Variants in AXL observed in about 807,000 individuals in gnomAD.
The protein encoded by AXL is AXL receptor tyrosine kinase, also known as tyrosine-protein kinase receptor UFO.
A neutral mutation model predicts 104.5 loss-of-function variants in AXL; 52 were observed. That is an observed-to-expected ratio of 0.50 (90% CI 0.40 to 0.63). The LOEUF (loss-of-function observed/expected upper bound fraction) is 0.63, where lower values mean the gene tolerates loss of function less well. Ranked by LOEUF, AXL falls within the 20% of genes least tolerant of loss-of-function variation. The probability of loss-of-function intolerance (pLI) is 0.00; values close to 1 mark genes in which losing one functional copy is unlikely to be tolerated. For synonymous variants in AXL, 455 were observed against 473.7 expected, an observed-to-expected ratio of 0.96 and a Z score of 0.51; for missense variants, 1,024 against 1,188.5, an observed-to-expected ratio of 0.86 and a Z score of 2.04.
chr19:41,253,585 C>G lies in AXL; in HGVS notation c.1927-14C>G, dbSNP rs1160806520. On this transcript the variant is annotated splice_polypyrimidine_tract_variant and intron_variant, in intron 16 of 19. Coordinates refer to ENST00000301178, the MANE Select transcript of AXL (RefSeq NM_021913.5). ...CTCTGTTGACCTCTCCTCCCACCTG[C>G]CTTGGCTCCCCAGTACCTGCCCACT... 6.2e-7 allele frequency: 1 copy of G among 1,600,820 alleles called. No individual in the cohort carries two copies. The highest frequency in any genetic ancestry group is 2.2e-5 in the East Asian group (1 of 44,786).
At chr19:41,231,099 C>A in intron 5 of AXL, 52 bp downstream of exon 5, 1 of 1,611,772 alleles carries the variant, frequency 6.2e-7, no homozygotes, top group Non-Finnish European at 8.5e-7. Flanking sequence ...GGGTTTGGGT[C>A]CGGGGTCAGA....
intron 4 of AXL, among the ~76,000 whole-genome samples, chr19:41,223,755 G>A (rs1006935954): frequency 6.6e-6 from 1 of 152,066 alleles, no homozygotes; most frequent in African/African-American, 2.4e-5. Flanking sequence ...TGGGGATCGG[G>A]CATGAGTCAG....
rs776682499 is a variant in AXL, at chr19:41,231,030, G to A, written c.650G>A (p.Arg217His). Reference sequence around the variant, plus strand: ...AACGCCAAGGGGGTCACCACATCCCGCACAGCCACCATCACAGGTGACAGA... The same window carrying A: ...AACGCCAAGGGGGTCACCACATCCCACACAGCCACCATCACAGGTGACAGA... ...AHNAKGVTTSRTATITVLPQQ... is the reference protein window; with the variant it reads ...AHNAKGVTTSHTATITVLPQQ... Residue 217 changes from arginine to histidine, a missense_variant, in exon 5 of 20, where the codon CGC becomes CAC. By Grantham distance (29) the Arg-to-His change is conservative. This residue lies in a region of AXL where 332 missense variants were observed against 343.9 expected (regional missense o/e 0.97). Transcript: ENST00000301178. 101 of 1,613,734 alleles carry A rather than the reference G, an allele frequency of 6.3e-5. No individual in the cohort carries two copies. Among genetic ancestry groups the A allele is most frequent in the Non-Finnish European group, 8.1e-5 (95 of 1,179,890 alleles).
Position 41,231,255 on chromosome 19 carries a change from C to T in AXL, c.740C>T (p.Pro247Leu). Residue 247 changes from proline to leucine, a missense_variant, in exon 6 of 20, where the codon CCA (proline) becomes CTA (leucine). Coordinates refer to ENST00000301178, the MANE Select transcript of AXL (RefSeq NM_021913.5). ...QPTELEVAWTPGLSGIYPLTH... is the reference protein window; with the variant it reads ...QPTELEVAWTLGLSGIYPLTH... ...ACGGAGCTGGAGGTGGCTTGGACTC[C>T]AGGCCTGAGCGGCATCTACCCCCTG... The T allele has an allele frequency of 6.2e-7, 1 of 1,613,822 alleles. No individual in the cohort carries two copies. The highest frequency in any genetic ancestry group is 8.5e-7 in the Non-Finnish European group (1 of 1,179,806).
intron 13 of AXL, 50 bp downstream of exon 13, chr19:41,248,659 G>A (rs374195857): frequency 8.0e-5 from 129 of 1,611,726 alleles, no homozygotes; most frequent in Non-Finnish European, 1.0e-4. Flanking sequence ...CTGAGATCCT[G>A]CACTTCCACA....
In AXL at chr19:41,252,949, G is replaced by C. The variant is rs887413670; in HGVS notation, c.1908G>C (p.Arg636=). The change falls in exon 16 of 20, where the codon CGG becomes CGC. Residue 636 remains arginine (R), a synonymous_variant. Transcript: ENST00000301178. ...TACACAGCTTCCTCCTCTATTCCCG[G>C]CTCGGGGACCAGCCAGTGGTAAGGG... ...GDLHSFLLYS[R]LGDQPVYLPT... The C allele has an allele frequency of 6.2e-6, 10 of 1,613,962 alleles. No individual in the cohort carries two copies. The highest frequency in any genetic ancestry group is 6.8e-6 in the Non-Finnish European group (8 of 1,180,014).
At chr19:41,226,186 C>A in intron 4 of AXL, among the ~76,000 whole-genome samples, 1 of 152,140 alleles carries the variant, frequency 6.6e-6, no homozygotes, top group Non-Finnish European at 1.5e-5. Context: ...GGGGAGGTGC[C>A]CCCGGTGACT....
chr19:41,220,536 C>A, intron 1 of AXL, 100 bp from the exon 2 acceptor site: 1 of 1,020,904 alleles, frequency 9.8e-7, no homozygotes, highest in Non-Finnish European at 1.4e-6. Context: ...AAGGGCCTGG[C>A]GGGGTCCTGG....
intron 14 of AXL, among the ~76,000 whole-genome samples, chr19:41,250,875 T>C (rs1240190561): frequency 6.6e-6 from 1 of 152,096 alleles, no homozygotes; most frequent in Non-Finnish European, 1.5e-5. Context: ...CTGGTTATAG[T>C]CTTGGCCTGG....
chr19:41,229,971 G>A (rs1367191876), intron 4 of AXL, among the ~76,000 whole-genome samples: 2 of 152,140 alleles, frequency 1.3e-5, no homozygotes, highest in East Asian at 3.8e-4. Flanking sequence ...GTCTCCTTGT[G>A]TGTGTGTGTC....
intron 5 of AXL, 43 bp from the exon 6 acceptor site, chr19:41,231,140 G>C: frequency 6.2e-7 from 1 of 1,609,318 alleles, no homozygotes; most frequent in African/African-American, 1.3e-5. Context: ...AGGGAGCTTT[G>C]AGCAAAGGCT....
intron 17 of AXL, among the ~76,000 whole-genome samples, chr19:41,254,759 A>C (rs1360394383): frequency 6.6e-6 from 1 of 152,066 alleles, no homozygotes; most frequent in African/African-American, 2.4e-5. Flanking sequence ...CTTTACAAAA[A>C]ATAAATTAGC....
intron 12 of AXL, 88 bp downstream of exon 12, chr19:41,243,795 C>A: frequency 1.7e-6 from 2 of 1,161,264 alleles, no homozygotes; most frequent in Non-Finnish European, 2.6e-6. Context: ...ATGTGTGAGC[C>A]AAAAGTTTCT....
chr19:41,259,928 C>G lies in AXL; in HGVS notation c.*24C>G. The G allele has an allele frequency of 6.6e-7, 1 of 1,522,536 alleles. No homozygotes were observed. Among genetic ancestry groups the G allele is most frequent in the South Asian group, 1.3e-5 (1 of 77,612 alleles). The allele number at this position is 1,522,536 out of a possible 1,614,324, so 94.3% of individuals were successfully genotyped here. A position where few individuals can be genotyped will look rare whatever the true frequency, so the allele number is the denominator to read the frequency against. ...GAGACAACCCTCCACCTGGTACTCC[C>G]TCTCAGGATCCAAGCTAAGCACTGC... On this transcript the variant is annotated 3_prime_UTR_variant, in exon 20 of 20. Coordinates refer to ENST00000301178, the MANE Select transcript of AXL (RefSeq NM_021913.5).
rs941898615 is a variant in AXL at position 41,259,820 on chromosome 19, C to T, written c.2601C>T (p.Val867=). The change falls in exon 20 of 20, where the codon GTC becomes GTT. Residue 867 remains valine (V), a synonymous_variant. Transcript: ENST00000301178. ...AGGTCCATCCTGCTGGACGCTATGT[C>T]CTCTGCCCTTCCACAACCCCTAGCC... ...AAEVHPAGRY[V]LCPSTTPSPA... is the part of the protein sequence containing the mutation. 3.7e-6 allele frequency: 6 copies of T among 1,614,060 alleles called. No individual in the cohort carries two copies. Among genetic ancestry groups the T allele is most frequent in the Non-Finnish European group, 5.1e-6 (6 of 1,179,976 alleles).
chr19:41,236,555 C>T (rs896400242), intron 6 of AXL, among the ~76,000 whole-genome samples: 2 of 151,400 alleles, frequency 1.3e-5, no homozygotes, highest in African/African-American at 4.9e-5. Context: ...CTGAGGCGGG[C>T]GGATTGCCTG....
At chr19:41,246,576 G>A (rs2034274542) in intron 12 of AXL, among the ~76,000 whole-genome samples, 2 of 151,984 alleles carry the variant, frequency 1.3e-5, no homozygotes, top group Admixed American at 1.3e-4. Flanking sequence ...TTTGCCAGGT[G>A]TGGTGGTGTA....
rs374882250 is a variant in AXL at position 41,227,578 on chromosome 19, C to T, written c.587-3389C>T. Among the ~76,000 whole-genome samples the T allele has an allele frequency of 3.3e-5, 5 of 151,796 alleles. No homozygotes were observed. In the South Asian group the frequency reaches 6.3e-4, roughly 19 times the overall value. On this transcript the variant is annotated intron_variant, in intron 4 of 19. Coordinates refer to ENST00000301178, the MANE Select transcript of AXL (RefSeq NM_021913.5). ...TTGGCTCACTGCAACCTCCGCAGCCCGGGTTCTAGCAGTTATCGTGCCTCA... is the reference window on the plus strand; with the variant it reads ...TTGGCTCACTGCAACCTCCGCAGCCTGGGTTCTAGCAGTTATCGTGCCTCA...
chr19:41,221,578 C>T, intron 3 of AXL: 1 of 501,564 alleles, frequency 2.0e-6, no homozygotes. Context: ...GTACCCCTGT[C>T]CCCACGACCC....
Sources: gnomAD v4.1 joint callset for allele counts (sites outside exome capture counted in the v4.1 genomes callset) on GRCh38, gnomAD v4.1.1 for gene constraint, gnomAD v4.1.1 regional missense constraint, MANE v1.5 for transcripts, NCBI Gene and HGNC (gene_info 2026-07-23, HGNC 2026-07-21) for gene names.